PPP2R2D: variants seen among roughly 807,000 people sequenced by gnomAD.
The protein encoded by PPP2R2D is serine/threonine-protein phosphatase 2A 55 kDa regulatory subunit B delta isoform.
PPP2R2D carries 9 observed loss-of-function variants against 31.1 expected under a neutral mutation model. The ratio of observed to expected loss-of-function variants is 0.29; its 90% CI spans 0.17 to 0.51. The LOEUF is 0.51. PPP2R2D is among the 20% of genes least tolerant of loss of function. The pLI, the probability that PPP2R2D is intolerant of heterozygous loss-of-function variation, is 0.98. For synonymous variants in PPP2R2D, 179 were observed against 172.6 expected (o/e 1.04, Z -0.29); for missense variants, 391 against 465.6 (o/e 0.84, Z 1.48).
chr10:131,964,378 A>T (rs2120127362), downstream of PPP2R2D, among the ~76,000 whole-genome samples: 1 of 151,272 alleles, frequency 6.6e-6, no homozygotes, highest in African/African-American at 2.4e-5. Flanking sequence ...CACCACCGGG[A>T]CCCAGGGCTG....
the PPP2R2D span, chr10:131,970,605 C>T: frequency 5.6e-6 from 9 of 1,607,756 alleles, no homozygotes; most frequent in East Asian, 2.2e-5. The surrounding 1 kb of genome is among the most constrained non-coding windows in gnomAD (Gnocchi z 4.1). Context: ...CCACGACATG[C>T]CATGACAGGA....
In PPP2R2D at chr10:131,947,059, G is replaced by A. The variant is rs148764211; in HGVS notation, c.821-471G>A. ...AGGCAGTTTCTTAGAGGCACAGACC[G>A]CTGTGTCTGCATGACCATATAATGC... On this transcript the variant is annotated intron_variant, in intron 7 of 8. Transcript: ENST00000455566. The surrounding 1 kb of genome is among the most constrained non-coding windows in gnomAD (Gnocchi z 4.3). 1.3e-5 allele frequency among the ~76,000 whole-genome samples: 2 copies of A among 152,158 alleles called. No homozygotes were observed. Among genetic ancestry groups the A allele is most frequent in the Non-Finnish European group, 2.9e-5 (2 of 68,030 alleles).
rs2036891218 is a variant in PPP2R2D, at chr10:131,959,474, G to A, written c.*3511G>A. The A allele has an allele frequency of 6.3e-6, 1 of 158,766 alleles. No individual in the cohort carries two copies. Among genetic ancestry groups the A allele is most frequent in the Non-Finnish European group, 1.4e-5 (1 of 72,692 alleles). 9.8% of individuals were successfully genotyped at this position (158,766 alleles called of 1,614,324 possible). ...GTGTGCTGATCCCCGGTCCCCCTGT[G>A]GAGATGAAGGTGTGTGTTGATCCCC... On this transcript the variant is annotated 3_prime_UTR_variant, in exon 9 of 9. Coordinates refer to ENST00000455566, the MANE Select transcript of PPP2R2D (RefSeq NM_018461.5).
At chr10:131,909,821 A>AC (rs1394556052) in intron 2 of PPP2R2D, among the ~76,000 whole-genome samples, 9 of 152,246 alleles carry the variant, frequency 5.9e-5, no homozygotes, top group Non-Finnish European at 1.3e-4. Flanking sequence ...TTAAAACAGA[A>AC]CAACTTACAA....
At chr10:131,909,658 C>T (rs1038708806) in intron 2 of PPP2R2D, among the ~76,000 whole-genome samples, 22 of 152,192 alleles carry the variant, frequency 1.4e-4, no homozygotes, top group Admixed American at 9.8e-4. Context: ...GGCCAGATGT[C>T]GCCCAGGTTG....
At chr10:131,965,113 TCA>T in the PPP2R2D span, among the ~76,000 whole-genome samples, 2 of 152,200 alleles carry the variant, frequency 1.3e-5, no homozygotes, top group African/African-American at 4.8e-5. Context: ...CTCAGCAGGT[TCA>T]GTTCATCTGT....
intron 8 of PPP2R2D, among the ~76,000 whole-genome samples, chr10:131,950,899 A>AT (rs2036624707): frequency 1.3e-5 from 2 of 152,228 alleles, no homozygotes; most frequent in Non-Finnish European, 2.9e-5. Context: ...CAAGGAAAAC[A>AT]TTAAGAAATT....
In PPP2R2D at chr10:131,919,757, A is replaced by G. The variant is rs1166081562; in HGVS notation, c.101-14701A>G. 3.8e-5 allele frequency among the ~76,000 whole-genome samples: 5 copies of G among 129,922 alleles called. 1 individual carries two copies. The highest frequency in any genetic ancestry group is 1.5e-4 in the African/African-American group (5 of 33,980). 85.2% of individuals were successfully genotyped at this position (129,922 alleles called of 152,430 possible). ...GTAGGGACCTCACGTGGGTGGAATGACAGAGTGTAGGGACCTCACGTGGGT... is the reference window on the plus strand; with the variant it reads ...GTAGGGACCTCACGTGGGTGGAATGGCAGAGTGTAGGGACCTCACGTGGGT... On this transcript the variant is annotated intron_variant, in intron 2 of 8. Coordinates refer to ENST00000455566, the MANE Select transcript of PPP2R2D (RefSeq NM_018461.5).
At chr10:131,951,448 CAAAG>C (rs1294861830) in intron 8 of PPP2R2D, among the ~76,000 whole-genome samples, 5 of 152,184 alleles carry the variant, frequency 3.3e-5, no homozygotes, top group Non-Finnish European at 5.9e-5. Context: ...AGATAATCCA[CAAAG>C]AAAATTCAGG....
chr10:131,917,024 C>G (rs868982512), intron 2 of PPP2R2D, among the ~76,000 whole-genome samples: 381 of 116,472 alleles, frequency 3.3e-3, no homozygotes, highest in Non-Finnish European at 4.9e-3. Flanking sequence ...AGGGACCTCA[C>G]GTGGGTGGAA....
chr10:131,901,593 C>G lies in PPP2R2D; in HGVS notation c.100+263C>G, dbSNP rs1006225477. Among the ~76,000 whole-genome samples, 68 of 152,284 alleles carry G rather than the reference C, an allele frequency of 4.5e-4. 1 individual carries two copies. Among genetic ancestry groups the G allele is most frequent in the African/African-American group, 1.4e-3 (59 of 41,570 alleles). ...CACCAAGGTCACGGGCGGCCGGGTC[C>G]TCCGAACCCAGCGCCTGGGGCTGCC... On this transcript the variant is annotated intron_variant, in intron 2 of 8. Transcript: ENST00000455566.
At chr10:131,936,864 T>A (rs2036351016) in intron 3 of PPP2R2D, among the ~76,000 whole-genome samples, 1 of 152,244 alleles carries the variant, frequency 6.6e-6, no homozygotes. Context: ...TGAAAGGCTT[T>A]CACGGTCCAT....
rs565099860 is a variant in PPP2R2D at position 131,916,202 on chromosome 10, G to A, written c.100+14872G>A. Among the ~76,000 whole-genome samples the A allele has an allele frequency of 7.2e-5, 11 of 152,256 alleles. No individual in the cohort carries two copies. The East Asian group carries it at 1.9e-3, about 27-fold the overall frequency. On this transcript the variant is annotated intron_variant, in intron 2 of 8. Coordinates refer to ENST00000455566, the MANE Select transcript of PPP2R2D (RefSeq NM_018461.5). ...CCGCAGGACAGGCTGTGGTGGAGGC[G>A]CACACACAGCACCCAGAGGCGGGCT...
chr10:131,971,102 C>A, the PPP2R2D span: 1 of 839,020 alleles, frequency 1.2e-6, no homozygotes, highest in Non-Finnish European at 1.9e-6. Context: ...TGCCTCGGAC[C>A]GTGGTCCAAG....
intron 2 of PPP2R2D, among the ~76,000 whole-genome samples, chr10:131,903,874 C>G (rs2035541040): frequency 6.6e-6 from 1 of 152,184 alleles, no homozygotes; most frequent in African/African-American, 2.4e-5. Flanking sequence ...TGGTCATGCC[C>G]AAACGCAACC....
the PPP2R2D span, chr10:131,970,958 C>CA: frequency 6.2e-7 from 1 of 1,613,880 alleles, no homozygotes; most frequent in Non-Finnish European, 8.5e-7. This position sits in a 1 kb window ranked among gnomAD's most constrained non-coding sequence, Gnocchi z 4.1. Context: ...CTTTCAATAT[C>CA]ATCTTCCTCA....
At chr10:131,922,744 C>A (rs1304156013) in intron 2 of PPP2R2D, among the ~76,000 whole-genome samples, 1 of 151,910 alleles carries the variant, frequency 6.6e-6, no homozygotes, top group African/African-American at 2.4e-5. Flanking sequence ...CTGCGCCCGG[C>A]CATTATCTGT....
chr10:131,923,701 G>A (rs1554894559), intron 2 of PPP2R2D, among the ~76,000 whole-genome samples: 1 of 152,092 alleles, frequency 6.6e-6, no homozygotes, highest in African/African-American at 2.4e-5. Flanking sequence ...CATTTCCTGT[G>A]CTTATTTGGA....
chr10:131,956,282 A>T lies in PPP2R2D; in HGVS notation c.*319A>T. 4.8e-6 allele frequency: 5 copies of T among 1,048,440 alleles called. No individual in the cohort carries two copies. The highest frequency in any genetic ancestry group is 5.7e-6 in the Non-Finnish European group (5 of 871,552). 64.9% of individuals were successfully genotyped at this position (1,048,440 alleles called of 1,614,324 possible). A position where few individuals can be genotyped will look rare whatever the true frequency, so the allele number is the denominator to read the frequency against. On this transcript the variant is annotated 3_prime_UTR_variant, in exon 9 of 9. Coordinates refer to ENST00000455566, the MANE Select transcript of PPP2R2D (RefSeq NM_018461.5). Reference sequence around the variant, plus strand: ...TTCCAATTTATAGACCAAAAAATTAACATCCAAGAGAAAAGTTATTGTCAG... The same window carrying T: ...TTCCAATTTATAGACCAAAAAATTATCATCCAAGAGAAAAGTTATTGTCAG...
Sources: gnomAD v4.1 joint callset for allele counts (sites outside exome capture counted in the v4.1 genomes callset) on GRCh38, gnomAD v4.1.1 for gene constraint, Gnocchi (gnomAD v3.1) non-coding constraint, MANE v1.5 for transcripts, NCBI Gene and HGNC (gene_info 2026-07-23, HGNC 2026-07-21) for gene names.